The following DGKI variants were observed in gnomAD, a reference collection of about 807,000 sequenced individuals.
DGKI encodes the protein DAG kinase iota.
DGKI carries 55 observed loss-of-function variants against 147.5 expected under a neutral mutation model. The observed-to-expected ratio is 0.37, with a 90% CI of 0.30 to 0.47. The LOEUF is 0.47. Among genes scored for constraint, DGKI ranks in the 20% least tolerant of loss-of-function variants. DGKI has a pLI of 1.00. For synonymous variants in DGKI, 469 were observed against 477.1 expected, an observed-to-expected ratio of 0.98 and a Z score of 0.22; for missense variants, 1,007 against 1,323.8, an observed-to-expected ratio of 0.76 and a Z score of 3.71.
intron 1 of DGKI, among the ~76,000 whole-genome samples, chr7:137,809,135 G>A (rs966818064): frequency 8.5e-5 from 13 of 152,174 alleles, no homozygotes; most frequent in African/African-American, 3.1e-4. Context: ...AGACTTTAGG[G>A]CTTTATCCTC....
intron 3 of DGKI, among the ~76,000 whole-genome samples, chr7:137,671,108 A>G (rs1203176735): frequency 6.6e-6 from 1 of 152,156 alleles, no homozygotes; most frequent in Non-Finnish European, 1.5e-5. Context: ...GCTCAAAATC[A>G]TTTTCATTTT....
At chr7:137,523,879 T>C (rs1817051166) in intron 20 of DGKI, among the ~76,000 whole-genome samples, 1 of 146,200 alleles carries the variant, frequency 6.8e-6, no homozygotes, top group South Asian at 2.1e-4. Flanking sequence ...GTGAAGTGAT[T>C]TTAAGGTCAC....
At chr7:137,723,266 C>T (rs1794620584) in intron 1 of DGKI, among the ~76,000 whole-genome samples, 2 of 152,190 alleles carry the variant, frequency 1.3e-5, no homozygotes, top group Admixed American at 1.3e-4. Context: ...GATTAAAGCA[C>T]TAAAGTGACT....
At chr7:137,442,957 T>C (rs902365505) in intron 28 of DGKI, among the ~76,000 whole-genome samples, 1 of 152,042 alleles carries the variant, frequency 6.6e-6, no homozygotes, top group Non-Finnish European at 1.5e-5. Context: ...GAGGATGAGG[T>C]GAGGTGCATA....
At chr7:137,805,349 G>A (rs935954058) in intron 1 of DGKI, among the ~76,000 whole-genome samples, 4 of 152,142 alleles carry the variant, frequency 2.6e-5, no homozygotes, top group African/African-American at 4.8e-5. Flanking sequence ...GCGAGGGAGC[G>A]AATGGAGAAA....
rs375181455 is a variant in DGKI at position 137,499,162 on chromosome 7, G to C, written c.2249-11473C>G. ...CAATATCTGGTTTAGGGATGCATACGTTGGTGGTAAATATATACCTATCAA... is the reference window on the plus strand; with the variant it reads ...CAATATCTGGTTTAGGGATGCATACCTTGGTGGTAAATATATACCTATCAA... On this transcript the variant is annotated intron_variant, in intron 21 of 32. Transcript: ENST00000614521. Among the ~76,000 whole-genome samples the C allele has an allele frequency of 7.9e-5, 12 of 152,276 alleles. No homozygotes were observed. In the South Asian group the frequency reaches 2.3e-3, roughly 29 times the overall value.
At chr7:137,692,780 C>T (rs1823657284) in intron 1 of DGKI, among the ~76,000 whole-genome samples, 2 of 152,056 alleles carry the variant, frequency 1.3e-5, no homozygotes, top group Admixed American at 1.3e-4. Flanking sequence ...ACAAGTAAGG[C>T]CTTTTTGTTG....
intron 6 of DGKI, among the ~76,000 whole-genome samples, chr7:137,638,563 TAC>T (rs748895730): frequency 2.4e-5 from 2 of 82,962 alleles, no homozygotes; most frequent in Admixed American, 1.3e-4. Context: ...TGTATATATA[TAC>T]ACACATATAT....
Position 137,411,423 on chromosome 7 carries a change from C to T in DGKI, c.2799+747G>A, listed in dbSNP as rs544970863. On this transcript the variant is annotated intron_variant, in intron 29 of 32. Coordinates refer to ENST00000614521, the MANE Select transcript of DGKI (RefSeq NM_001321708.2). ...ATAAAATAGCTAACATTTTAGAGCC[C>T]CTTCCATGAAATAGGAACAGTCTTG... Among the ~76,000 whole-genome samples, 3 of 152,226 alleles carry T rather than the reference C, an allele frequency of 2.0e-5. No homozygotes were observed. In the South Asian group the frequency reaches 6.2e-4, roughly 32 times the overall value.
At chr7:137,396,768 T>C (rs1047989583) in intron 31 of DGKI, among the ~76,000 whole-genome samples, 9 of 152,232 alleles carry the variant, frequency 5.9e-5, no homozygotes, top group African/African-American at 2.2e-4. Context: ...TGTTCCTGTT[T>C]GGGGAGCAGT....
chr7:137,730,719 G>A (rs1037564464), intron 1 of DGKI, among the ~76,000 whole-genome samples: 7 of 151,912 alleles, frequency 4.6e-5, no homozygotes, highest in African/African-American at 9.7e-5. Flanking sequence ...CCATCACCCC[G>A]CAAAATGTCC....
At chr7:137,446,597 G>T (rs933638500) in intron 27 of DGKI, among the ~76,000 whole-genome samples, 4 of 152,102 alleles carry the variant, frequency 2.6e-5, no homozygotes, top group African/African-American at 9.7e-5. Context: ...ATGGTGGTGG[G>T]TGCCTGTAAT....
intron 26 of DGKI, among the ~76,000 whole-genome samples, chr7:137,464,256 CAAA>C (rs58290482): frequency 6.3e-5 from 3 of 47,782 alleles, no homozygotes; most frequent in Non-Finnish European, 1.4e-4. Flanking sequence ...GACTCCATCT[CAAA>C]AAAAAAAAAA....
chr7:137,501,908 G>T (rs912390520), intron 21 of DGKI, among the ~76,000 whole-genome samples: 1 of 152,138 alleles, frequency 6.6e-6, no homozygotes, highest in African/African-American at 2.4e-5. Flanking sequence ...GGAGATGAAT[G>T]AATCATGGGG....
At chr7:137,837,409 C>T (rs991012038) in intron 1 of DGKI, among the ~76,000 whole-genome samples, 4 of 152,166 alleles carry the variant, frequency 2.6e-5, no homozygotes, top group Non-Finnish European at 5.9e-5. Context: ...CCTTCAGAGG[C>T]CACTGGGAAG....
Position 137,487,652 on chromosome 7 carries a change from A to G in DGKI, c.2286T>C (p.Cys762=), listed in dbSNP as rs1231313666. Residue 762 remains cysteine (C), a synonymous_variant, in exon 22 of 33, where the codon TGT becomes TGC. Transcript: ENST00000614521. The stretch of plus-strand genomic sequence containing the variant: ...TGTACATACGGCAAGTCTCCAAATC[A>G]CAGTCTCCACGCACAACTAGAATAC... ...PLGILVVRGD[C]DLETCRMYID... The G allele has an allele frequency of 3.1e-6, 5 of 1,613,820 alleles. No individual in the cohort carries two copies. The highest frequency in any genetic ancestry group is 3.4e-6 in the Non-Finnish European group (4 of 1,179,756).
At chr7:137,632,046 C>G (rs1271549949) in intron 6 of DGKI, among the ~76,000 whole-genome samples, 1 of 152,146 alleles carries the variant, frequency 6.6e-6, no homozygotes, top group African/African-American at 2.4e-5. Flanking sequence ...ATATAGAATT[C>G]TAAAATAATA....
intron 19 of DGKI, 146 bp downstream of exon 19, chr7:137,571,029 T>G (rs1818776336): frequency 1.7e-6 from 1 of 578,210 alleles, no homozygotes; most frequent in Non-Finnish European, 2.9e-6. Context: ...TGATGATTTT[T>G]TTTCTTGTTT....
chr7:137,562,393 G>A lies in DGKI; in HGVS notation c.1947+8782C>T, dbSNP rs145104558. ...TCTACTAAAAATACAAAAATTAGCC[G>A]GCCCTTGTGGCGGGCACCTATAATC... On this transcript the variant is annotated intron_variant, in intron 19 of 32. Transcript: ENST00000614521. Among the ~76,000 whole-genome samples the A allele has an allele frequency of 6.4e-3, 968 of 152,174 alleles. 7 individuals carry two copies. Among genetic ancestry groups the A allele is most frequent in the African/African-American group, 0.022 (922 of 41,524 alleles).
Sources: gnomAD v4.1 joint callset for allele counts (sites outside exome capture counted in the v4.1 genomes callset) on GRCh38, gnomAD v4.1.1 for gene constraint, MANE v1.5 for transcripts, NCBI Gene and HGNC (gene_info 2026-07-23, HGNC 2026-07-21) for gene names.